Variants in SCHIP1 observed in about 807,000 individuals in gnomAD.
The protein encoded by SCHIP1 is schwannomin interacting protein 1.
SCHIP1 carries 8 observed loss-of-function variants against 29.7 expected under a neutral mutation model. The ratio of observed to expected loss-of-function variants is 0.27; its 90% CI spans 0.16 to 0.49. SCHIP1 has a LOEUF of 0.49. SCHIP1 is among the 20% of genes least tolerant of loss of function. The probability of loss-of-function intolerance (pLI) is 0.99; values close to 1 mark genes in which losing one functional copy is unlikely to be tolerated. For missense variants in SCHIP1, 193 were observed against 294.6 expected (o/e 0.66, Z 2.52); for synonymous variants, 76 against 94.9 (o/e 0.80, Z 1.16).
chr3:159,445,186 A>T, the SCHIP1 span, among the ~76,000 whole-genome samples: 1 of 152,166 alleles, frequency 6.6e-6, no homozygotes, highest in African/African-American at 2.4e-5. Context: ...ACAAGAAAAA[A>T]ACAAACAACC....
chr3:159,792,920 G>A, the SCHIP1 span, among the ~76,000 whole-genome samples: 1 of 152,102 alleles, frequency 6.6e-6, no homozygotes. Context: ...TCAGGAATTT[G>A]TTCATAGCCT....
At chr3:159,777,697 C>G in the SCHIP1 span, among the ~76,000 whole-genome samples, 52 of 152,286 alleles carry the variant, frequency 3.4e-4, no homozygotes, top group African/African-American at 1.2e-3. Flanking sequence ...GCTGTTTCAT[C>G]TGCTAGAAAT....
At chr3:159,385,245 C>T in the SCHIP1 span, among the ~76,000 whole-genome samples, 3 of 152,040 alleles carry the variant, frequency 2.0e-5, no homozygotes, top group Admixed American at 6.6e-5. Context: ...AAGCTTTTAC[C>T]CACATCTTGC....
chr3:159,742,816 T>A, the SCHIP1 span, among the ~76,000 whole-genome samples: 1 of 150,770 alleles, frequency 6.6e-6, no homozygotes, highest in African/African-American at 2.4e-5. Flanking sequence ...TACAGGTGCC[T>A]GCCACCACGC....
the SCHIP1 span, among the ~76,000 whole-genome samples, chr3:159,710,877 A>G: frequency 2.0e-5 from 3 of 152,176 alleles, no homozygotes; most frequent in Non-Finnish European, 4.4e-5. Flanking sequence ...AGCCTAAATA[A>G]AGCCATGTAC....
the SCHIP1 span, among the ~76,000 whole-genome samples, chr3:159,488,271 T>C: frequency 3.3e-4 from 50 of 152,166 alleles, no homozygotes; most frequent in African/African-American, 1.1e-3. Flanking sequence ...TATTTGATAG[T>C]ACAACAGAGT....
At chr3:159,532,180 T>A in the SCHIP1 span, among the ~76,000 whole-genome samples, 1 of 152,250 alleles carries the variant, frequency 6.6e-6, no homozygotes, top group Non-Finnish European at 1.5e-5. Flanking sequence ...CAAAGATTTC[T>A]TTCTGTAGGC....
the SCHIP1 span, among the ~76,000 whole-genome samples, chr3:159,549,547 A>G: frequency 6.6e-6 from 1 of 152,152 alleles, no homozygotes; most frequent in Non-Finnish European, 1.5e-5. Flanking sequence ...CACAAAGAAG[A>G]GGTCATAGGA....
the SCHIP1 span, among the ~76,000 whole-genome samples, chr3:159,543,144 A>T: frequency 6.6e-6 from 1 of 150,978 alleles, no homozygotes; most frequent in Non-Finnish European, 1.5e-5. Context: ...TATAGATATA[A>T]AAGTCATTCT....
the SCHIP1 span, among the ~76,000 whole-genome samples, chr3:159,533,561 G>A: frequency 6.6e-6 from 1 of 152,032 alleles, no homozygotes; most frequent in African/African-American, 2.4e-5. Flanking sequence ...ACTAATATGT[G>A]GCAGAGAAAT....
chr3:159,461,090 C>A, the SCHIP1 span, among the ~76,000 whole-genome samples: 1 of 152,132 alleles, frequency 6.6e-6, no homozygotes, highest in East Asian at 1.9e-4. Flanking sequence ...AGACACTGAT[C>A]TCTGGGGTCA....
chr3:159,579,257 G>T, the SCHIP1 span, among the ~76,000 whole-genome samples: 1 of 152,150 alleles, frequency 6.6e-6, no homozygotes, highest in Non-Finnish European at 1.5e-5. Flanking sequence ...ACTTTCTAAT[G>T]TAAGACATTT....
intron 1 of SCHIP1, among the ~76,000 whole-genome samples, chr3:159,843,233 G>A (rs190919568): frequency 9.9e-5 from 15 of 151,338 alleles, no homozygotes; most frequent in Admixed American, 2.0e-4. Context: ...AGCTGGTCTC[G>A]AACACCTGAC....
the SCHIP1 span, chr3:159,764,313 C>T: frequency 1.7e-6 from 2 of 1,152,524 alleles, no homozygotes; most frequent in South Asian, 3.9e-5. This position sits in a 1 kb window ranked among gnomAD's most constrained non-coding sequence, Gnocchi z 6.1. Flanking sequence ...GCCCCCAGGC[C>T]TCCTTGGGGG....
At chr3:159,839,344 T>G (rs1271344529), upstream of SCHIP1, among the ~76,000 whole-genome samples, 6 of 151,252 alleles carry the variant, frequency 4.0e-5, no homozygotes, top group African/African-American at 7.3e-5. Context: ...TAAATTATAG[T>G]GACTTTAATA....
chr3:159,729,670 G>C, the SCHIP1 span, among the ~76,000 whole-genome samples: 295 of 152,284 alleles, frequency 1.9e-3, 1 homozygote, highest in Middle Eastern at 0.014. Flanking sequence ...TTGATAAAAT[G>C]AAATGGCATT....
chr3:159,688,038 G>A, the SCHIP1 span, among the ~76,000 whole-genome samples: 40 of 152,246 alleles, frequency 2.6e-4, 1 homozygote, highest in South Asian at 5.2e-3. Context: ...CTTTGCTATC[G>A]TGAATAGTGC....
the SCHIP1 span, among the ~76,000 whole-genome samples, chr3:159,455,848 C>A: frequency 6.6e-6 from 1 of 152,116 alleles, no homozygotes; most frequent in Non-Finnish European, 1.5e-5. Context: ...TGTGAGACAT[C>A]CTGGGCTGGT....
At chr3:159,514,973 C>T in the SCHIP1 span, among the ~76,000 whole-genome samples, 3 of 152,080 alleles carry the variant, frequency 2.0e-5, no homozygotes, top group African/African-American at 7.2e-5. Flanking sequence ...TCCTTTTTTC[C>T]CTCACATCAC....
Sources: gnomAD v4.1 joint callset for allele counts (sites outside exome capture counted in the v4.1 genomes callset) on GRCh38, gnomAD v4.1.1 for gene constraint, Gnocchi (gnomAD v3.1) non-coding constraint, MANE v1.5 for transcripts, NCBI Gene and HGNC (gene_info 2026-07-23, HGNC 2026-07-21) for gene names.